DYNC2I1: variants seen among roughly 807,000 people sequenced by gnomAD.
DYNC2I1 encodes cytoplasmic dynein 2 intermediate chain 1.
DYNC2I1 carries 89 observed loss-of-function variants against 133.4 expected under a neutral mutation model. That is an observed-to-expected ratio of 0.67 (90% confidence interval 0.56 to 0.80). The LOEUF (loss-of-function observed/expected upper bound fraction) is 0.80, where lower values mean the gene tolerates loss of function less well. Among genes scored for constraint, DYNC2I1 ranks in the 30% least tolerant of loss-of-function variants. The pLI, the probability that DYNC2I1 is intolerant of heterozygous loss-of-function variation, is 0.00. For missense variants in DYNC2I1, 1,291 were observed against 1,314.5 expected, an observed-to-expected ratio of 0.98 and a Z score of 0.28; for synonymous variants, 504 against 484.3, an observed-to-expected ratio of 1.04 and a Z score of -0.54.
At chr7:158,955,033 T>TG (rs1852165048) in intron 4 of DYNC2I1, among the ~76,000 whole-genome samples, 1 of 152,218 alleles carries the variant, frequency 6.6e-6, no homozygotes, top group Non-Finnish European at 1.5e-5. Flanking sequence ...TTGGGTATTT[T>TG]GGGGTGAGTC....
chr7:158,852,186 A>AT (rs1182789559), upstream of DYNC2I1, among the ~76,000 whole-genome samples: 1 of 150,840 alleles, frequency 6.6e-6, no homozygotes, highest in Non-Finnish European at 1.5e-5. Flanking sequence ...CAGTGGTGTG[A>AT]TTTTGGCTCA....
chr7:158,927,910 C>G lies in DYNC2I1; in HGVS notation c.2485+867C>G, dbSNP rs575120758. 9.2e-5 allele frequency among the ~76,000 whole-genome samples: 14 copies of G among 152,280 alleles called. No homozygotes were observed. In the East Asian group the frequency reaches 2.7e-3, roughly 29 times the overall value. On this transcript the variant is annotated intron_variant, in intron 20 of 24. Coordinates refer to ENST00000407559, the MANE Select transcript of DYNC2I1 (RefSeq NM_018051.5). ...GTTCTGTTTACAGCTGAGTACCATT[C>G]AGTTCTGTCAGACAAGTCAAGGACA... is the stretch of plus-strand genomic sequence containing the variant.
At chr7:158,906,175 A>T in intron 11 of DYNC2I1, 84 bp downstream of exon 11, 1 of 1,246,788 alleles carries the variant, frequency 8.0e-7, no homozygotes, top group Non-Finnish European at 1.1e-6. Context: ...ATCGAGTTTT[A>T]AAATGCATTT....
intron 23 of DYNC2I1, 146 bp downstream of exon 23, chr7:158,934,695 C>G (rs1285312125): frequency 1.5e-5 from 12 of 781,670 alleles, no homozygotes; most frequent in Middle Eastern, 3.8e-4. Flanking sequence ...ACCCTCCCAC[C>G]TCAGCCTCCC....
chr7:158,917,970 C>A (rs1848645874), intron 14 of DYNC2I1, among the ~76,000 whole-genome samples: 1 of 152,176 alleles, frequency 6.6e-6, no homozygotes, highest in Non-Finnish European at 1.5e-5. Context: ...TCTCTGCCTT[C>A]CTCACTCCCA....
intron 3 of DYNC2I1, among the ~76,000 whole-genome samples, chr7:158,873,004 A>G (rs1287018578): frequency 6.6e-6 from 1 of 152,032 alleles, no homozygotes; most frequent in Non-Finnish European, 1.5e-5. Context: ...AAAAAAACCC[A>G]AAAAACACAA....
downstream of DYNC2I1, among the ~76,000 whole-genome samples, chr7:158,947,595 C>G (rs144746718): frequency 0.01 from 1,537 of 152,342 alleles, 31 homozygotes; most frequent in African/African-American, 0.035. Flanking sequence ...GGAGTTCTGT[C>G]TGGCTCCTGA....
chr7:158,867,243 T>G (rs1295381376), intron 1 of DYNC2I1, among the ~76,000 whole-genome samples: 1 of 152,118 alleles, frequency 6.6e-6, no homozygotes, highest in Non-Finnish European at 1.5e-5. Context: ...TGTTGGAGTG[T>G]GTTACTATGG....
At chr7:158,922,858 C>T (rs987297668) in intron 16 of DYNC2I1, among the ~76,000 whole-genome samples, 5 of 152,198 alleles carry the variant, frequency 3.3e-5, no homozygotes, top group African/African-American at 1.2e-4. Context: ...GGGTGTAGCT[C>T]TGGGGCCCTA....
chr7:158,889,032 CATTT>C (rs1271897344), intron 7 of DYNC2I1, among the ~76,000 whole-genome samples: 1 of 114,380 alleles, frequency 8.7e-6, no homozygotes, highest in Non-Finnish European at 1.7e-5. Flanking sequence ...CAGTTTTAAA[CATTT>C]ACACACACAC....
At chr7:158,861,527 C>T (rs1374049713) in intron 1 of DYNC2I1, among the ~76,000 whole-genome samples, 1 of 152,238 alleles carries the variant, frequency 6.6e-6, no homozygotes, top group East Asian at 1.9e-4. Flanking sequence ...CACTTCTCAT[C>T]TGTCAGCCAA....
chr7:158,902,463 C>T lies in DYNC2I1; in HGVS notation c.1225C>T (p.Pro409Ser). ...GTCAAGAGAAAAACTGGAAGAACTTCCTCTAGCTCAAAAAAAGGAAATACA... is the reference window on the plus strand; with the variant it reads ...GTCAAGAGAAAAACTGGAAGAACTTTCTCTAGCTCAAAAAAAGGAAATACA... Reference protein sequence around the residue: ...PESREKLEELPLAQKKEIQEI... With the variant: ...PESREKLEELSLAQKKEIQEI... The change falls in exon 10 of 25, where the codon CCT becomes TCT. Residue 409 changes from proline (P) to serine (S), a missense_variant. Physicochemically the swap from Pro to Ser is moderately conservative, Grantham distance 74 (BLOSUM62 -1). Transcript: ENST00000407559. 1.9e-6 allele frequency: 3 copies of T among 1,613,866 alleles called. No homozygotes were observed. Among genetic ancestry groups the T allele is most frequent in the Non-Finnish European group, 2.5e-6 (3 of 1,179,854 alleles).
At chr7:158,903,183 G>A (rs144946315) in intron 10 of DYNC2I1, 5 of 152,386 alleles carry the variant, frequency 3.3e-5, no homozygotes, top group Non-Finnish European at 5.9e-5. Context: ...GCTGGACTGA[G>A]CCTGACACGA....
chr7:158,857,789 GC>G (rs1841437270), intron 1 of DYNC2I1, among the ~76,000 whole-genome samples: 1 of 112,630 alleles, frequency 8.9e-6, no homozygotes, highest in South Asian at 3.1e-4. Context: ...ACTGCACCCG[GC>G]CTTTTTTTTT....
intron 11 of DYNC2I1, among the ~76,000 whole-genome samples, chr7:158,909,782 A>T: frequency 6.6e-6 from 1 of 152,164 alleles, no homozygotes; most frequent in Non-Finnish European, 1.5e-5. Context: ...AAACAGAAAG[A>T]TCTGATGGCC....
At chr7:158,915,506 G>A (rs1189107544) in intron 14 of DYNC2I1, among the ~76,000 whole-genome samples, 2 of 136,138 alleles carry the variant, frequency 1.5e-5, no homozygotes, top group Non-Finnish European at 3.1e-5. Context: ...CCTCGACACG[G>A]TGGTTGAGAT....
intron 3 of DYNC2I1, among the ~76,000 whole-genome samples, chr7:158,872,871 G>A (rs926257097): frequency 3.3e-5 from 5 of 151,852 alleles, no homozygotes; most frequent in Admixed American, 3.3e-4. Context: ...TGGATGTGGT[G>A]GCACAGCTGC....
At chr7:158,883,944 G>A (rs575373222) in intron 5 of DYNC2I1, among the ~76,000 whole-genome samples, 46 of 151,772 alleles carry the variant, frequency 3.0e-4, no homozygotes, top group African/African-American at 9.9e-4. Context: ...GATTACAAGC[G>A]TGAGCCACCG....
rs780448930 is a variant in DYNC2I1 at position 158,922,407 on chromosome 7, G to T, written c.1952G>T (p.Arg651Leu). 4 of 1,613,888 alleles carry T rather than the reference G, an allele frequency of 2.5e-6. No individual in the cohort carries two copies. Among genetic ancestry groups the T allele is most frequent in the Non-Finnish European group, 3.4e-6 (4 of 1,179,890 alleles). ...NRKVSSLHTS[R>L]VQRQMVVSVH... is the part of the protein sequence containing the mutation. ...AAAGTATCCTCCTTGCACACCTCCCGAGTTCAGAGGCAGATGGTGGTCTCC... is the reference window on the plus strand; with the variant it reads ...AAAGTATCCTCCTTGCACACCTCCCTAGTTCAGAGGCAGATGGTGGTCTCC... Residue 651 changes from arginine to leucine, a missense_variant, in exon 16 of 25, where the codon CGA becomes CTA. By Grantham distance (102) the Arg-to-Leu change is moderately radical (BLOSUM62 -2). Coordinates refer to ENST00000407559, the MANE Select transcript of DYNC2I1 (RefSeq NM_018051.5).
Sources: allele counts gnomAD v4.1 joint callset (sites outside exome capture counted in the v4.1 genomes callset), GRCh38; gene constraint gnomAD v4.1.1; transcripts MANE v1.5; gene names NCBI Gene and HGNC (gene_info 2026-07-23, HGNC 2026-07-21).